The following FAF1 variants were observed in gnomAD, a reference collection of about 807,000 sequenced individuals.
FAF1 encodes FAS-associated factor 1.
Under a neutral mutation model 92.5 loss-of-function variants are expected in FAF1, and 25 were observed. That is an observed-to-expected ratio of 0.27 (90% CI 0.20 to 0.38). FAF1 has a LOEUF of 0.38. Among genes scored for constraint, FAF1 ranks in the 10% least tolerant of loss-of-function variants. The probability of loss-of-function intolerance (pLI) is 1.00; values close to 1 mark genes in which losing one functional copy is unlikely to be tolerated. For synonymous variants in FAF1, 234 were observed against 273.2 expected, an observed-to-expected ratio of 0.86 and a Z score of 1.42; for missense variants, 636 against 793.3, an observed-to-expected ratio of 0.80 and a Z score of 2.38.
chr1:50,720,120 G>A (rs968545555), intron 6 of FAF1, among the ~76,000 whole-genome samples: 5 of 151,602 alleles, frequency 3.3e-5, no homozygotes, highest in African/African-American at 1.2e-4. Context: ...TCTTACCTCA[G>A]CCTCCCAAGT....
chr1:50,766,092 C>G (rs925424551), intron 4 of FAF1, among the ~76,000 whole-genome samples: 2 of 145,200 alleles, frequency 1.4e-5, no homozygotes, highest in Non-Finnish European at 1.5e-5. Context: ...AACTCTGTCT[C>G]AAAAAAAAAA....
chr1:50,709,235 A>T (rs1657815137), intron 6 of FAF1, among the ~76,000 whole-genome samples: 1 of 152,022 alleles, frequency 6.6e-6, no homozygotes, highest in Non-Finnish European at 1.5e-5. Flanking sequence ...CTTTCAGATC[A>T]CCTTTCAGGC....
rs535355078 is a variant in FAF1, at chr1:50,924,923, C to A, written c.45+34844G>T. Among the ~76,000 whole-genome samples, 13 of 152,298 alleles carry A rather than the reference C, an allele frequency of 8.5e-5. No individual in the cohort carries two copies. In the South Asian group the frequency reaches 2.7e-3, roughly 32 times the overall value. On this transcript the variant is annotated intron_variant, in intron 1 of 18. Transcript: ENST00000396153. ...ACTTGAACCCAGGAGGCGGAGGCTGCAGTGAGCTGAGATCGTGCCATTGCA... is the reference window on the plus strand; with the variant it reads ...ACTTGAACCCAGGAGGCGGAGGCTGAAGTGAGCTGAGATCGTGCCATTGCA...
intron 18 of FAF1, chr1:50,452,152 A>G: frequency 7.4e-7 from 1 of 1,349,452 alleles, no homozygotes; most frequent in Non-Finnish European, 9.8e-7. Flanking sequence ...TATACAAAGA[A>G]CGAGAACAGG....
Position 50,889,330 on chromosome 1 carries a change from G to A in FAF1, c.46-31333C>T, listed in dbSNP as rs560827447. 7.6e-3 allele frequency among the ~76,000 whole-genome samples: 1,151 copies of A among 152,174 alleles called. 11 individuals carry two copies. The highest frequency in any genetic ancestry group is 0.071 in the Middle Eastern group (21 of 294). ...AAAAAACCCAGCTCCTGGATTCATT[G>A]ATTTTTTGAAGGGTTTTTTGTGTCT... On this transcript the variant is annotated intron_variant, in intron 1 of 18. Coordinates refer to ENST00000396153, the MANE Select transcript of FAF1 (RefSeq NM_007051.3).
At chr1:50,765,928 T>C (rs959156893) in intron 4 of FAF1, among the ~76,000 whole-genome samples, 1 of 152,040 alleles carries the variant, frequency 6.6e-6, no homozygotes, top group Non-Finnish European at 1.5e-5. Context: ...CCGTCTCTAC[T>C]AAAAACACAA....
intron 2 of FAF1, among the ~76,000 whole-genome samples, chr1:50,805,079 C>G (rs571196098): frequency 5.3e-5 from 8 of 152,282 alleles, no homozygotes; most frequent in Non-Finnish European, 1.0e-4. Flanking sequence ...ATATCTCTCA[C>G]TCTATAATAG....
At chr1:50,821,841 G>A (rs1043329837) in intron 2 of FAF1, among the ~76,000 whole-genome samples, 1 of 151,830 alleles carries the variant, frequency 6.6e-6, no homozygotes, top group Admixed American at 6.6e-5. Context: ...CAAAATTTTT[G>A]AAGGCAAAGA....
intron 8 of FAF1, among the ~76,000 whole-genome samples, chr1:50,604,104 A>C (rs1652268684): frequency 6.6e-6 from 1 of 152,212 alleles, no homozygotes; most frequent in African/African-American, 2.4e-5. Flanking sequence ...GCTGCTATAC[A>C]TGGCTTCATT....
chr1:50,884,844 G>T (rs1400038303), intron 1 of FAF1, among the ~76,000 whole-genome samples: 2 of 151,960 alleles, frequency 1.3e-5, no homozygotes, highest in Non-Finnish European at 2.9e-5. Flanking sequence ...AGTAAAATTG[G>T]TATTCGTTCT....
chr1:50,498,600 A>C (rs914551531), intron 15 of FAF1, among the ~76,000 whole-genome samples: 1 of 152,228 alleles, frequency 6.6e-6, no homozygotes, highest in Admixed American at 6.5e-5. Flanking sequence ...CTGTAATCCC[A>C]GCACTTCGGG....
intron 1 of FAF1, among the ~76,000 whole-genome samples, chr1:50,940,284 A>T (rs1005708241): frequency 6.6e-6 from 1 of 152,222 alleles, no homozygotes; most frequent in Non-Finnish European, 1.5e-5. Context: ...ATATCATCAA[A>T]TATCTATCCA....
chr1:50,698,581 T>A (rs1205658637), intron 7 of FAF1, among the ~76,000 whole-genome samples: 4 of 152,208 alleles, frequency 2.6e-5, no homozygotes, highest in Admixed American at 6.5e-5. Context: ...CTGCAAAAAA[T>A]TTTTTGCAGT....
rs1438375609 is a variant in FAF1, at chr1:50,553,577, T to A, written c.1268+13500A>T. ...CCCTGAGTTCAACAGAAGCCCACAA[T>A]AAAATTTCAGATAGAACTGTGCACA... On this transcript the variant is annotated intron_variant, in intron 13 of 18. Transcript: ENST00000396153. Among the ~76,000 whole-genome samples the A allele has an allele frequency of 2.6e-5, 4 of 152,108 alleles. No individual in the cohort carries two copies. In the East Asian group the frequency reaches 7.7e-4, roughly 29 times the overall value.
chr1:50,818,261 G>A (rs1216787259), intron 2 of FAF1, among the ~76,000 whole-genome samples: 2 of 152,188 alleles, frequency 1.3e-5, no homozygotes, highest in African/African-American at 4.8e-5. Flanking sequence ...GCAAGGATTT[G>A]GAACAAGTGG....
intron 4 of FAF1, among the ~76,000 whole-genome samples, chr1:50,754,673 T>G (rs1011518653): frequency 1.3e-5 from 2 of 152,218 alleles, no homozygotes; most frequent in African/African-American, 4.8e-5. Context: ...AAACAAATGC[T>G]GATATGCCAT....
intron 1 of FAF1, among the ~76,000 whole-genome samples, chr1:50,945,844 C>T (rs1239762806): frequency 1.3e-5 from 2 of 152,196 alleles, no homozygotes; most frequent in Non-Finnish European, 2.9e-5. Flanking sequence ...TAAGAAAAGC[C>T]TTGAGTTCTG....
rs1470857522 is a variant in FAF1, at chr1:50,622,205, C to T, written c.745-25989G>A. Among the ~76,000 whole-genome samples the T allele has an allele frequency of 2.6e-5, 4 of 151,952 alleles. 1 individual carries two copies. Among genetic ancestry groups the T allele is most frequent in the Non-Finnish European group, 1.5e-5 (1 of 67,968 alleles). On this transcript the variant is annotated intron_variant, in intron 8 of 18. Coordinates refer to ENST00000396153, the MANE Select transcript of FAF1 (RefSeq NM_007051.3). The stretch of plus-strand genomic sequence containing the variant: ...AAAAGAAAAAAAAAAGAAAGATTAC[C>T]CTGCCAGCTCACATGTCCATGGAGG...
At chr1:50,486,474 A>G (rs1213843733) in intron 17 of FAF1, among the ~76,000 whole-genome samples, 3 of 151,728 alleles carry the variant, frequency 2.0e-5, no homozygotes, top group African/African-American at 7.3e-5. Flanking sequence ...GTCCAGACAA[A>G]ATGCTCTTCT....
Sources: allele counts gnomAD v4.1 joint callset (sites outside exome capture counted in the v4.1 genomes callset), GRCh38; gene constraint gnomAD v4.1.1; transcripts MANE v1.5; gene names NCBI Gene and HGNC (gene_info 2026-07-23, HGNC 2026-07-21).